RANBP9: variants seen among roughly 807,000 people sequenced by gnomAD.
The protein encoded by RANBP9 is RAN binding protein 9, also known as ran-binding protein 9.
In RANBP9, 15 loss-of-function variants were observed where a neutral mutation model predicts 84.3. That is an observed-to-expected ratio of 0.18 (90% CI 0.12 to 0.27). RANBP9 has a LOEUF of 0.27. Ranked by LOEUF, RANBP9 falls within the 10% of genes least tolerant of loss-of-function variation. RANBP9 has a pLI of 1.00. For synonymous variants in RANBP9, 392 were observed against 349.6 expected (o/e 1.12, Z -1.35); for missense variants, 809 against 912.8 (o/e 0.89, Z 1.46).
chr6:13,674,233 G>A (rs1765838313), intron 2 of RANBP9, among the ~76,000 whole-genome samples: 1 of 152,042 alleles, frequency 6.6e-6, no homozygotes, highest in South Asian at 2.1e-4. Flanking sequence ...GAACTGACAA[G>A]AGTGAACAAA....
At chr6:13,643,463 C>G (rs960135621) in intron 6 of RANBP9, among the ~76,000 whole-genome samples, 7 of 152,078 alleles carry the variant, frequency 4.6e-5, no homozygotes, top group African/African-American at 1.4e-4. Context: ...GAGACTGAGG[C>G]AAAGAGCGGA....
chr6:13,705,678 G>C (rs978618181), intron 1 of RANBP9, among the ~76,000 whole-genome samples: 1 of 150,648 alleles, frequency 6.6e-6, no homozygotes, highest in Non-Finnish European at 1.5e-5. Flanking sequence ...TGACTAACTC[G>C]GTGAAACCCC....
At position 13,677,986 on chromosome 6, in the gene RANBP9, G is replaced by T. The variant is rs376818401; in HGVS notation, c.683+18799C>A. 6.9e-4 allele frequency among the ~76,000 whole-genome samples: 105 copies of T among 152,200 alleles called. 1 individual carries two copies. In the South Asian group the frequency reaches 0.02, roughly 28 times the overall value. On this transcript the variant is annotated intron_variant, in intron 2 of 13. Coordinates refer to ENST00000011619, the MANE Select transcript of RANBP9 (RefSeq NM_005493.3). ...TATAAAAAATTAGCCAGGCATAGTG[G>T]TATGTGCCTGCAGTGCCAGCTACTC...
At chr6:13,633,781 T>G (rs1356710522) in intron 11 of RANBP9, among the ~76,000 whole-genome samples, 1 of 152,194 alleles carries the variant, frequency 6.6e-6, no homozygotes, top group African/African-American at 2.4e-5. Flanking sequence ...GCCATGGAAT[T>G]CCAACAAATA....
intron 5 of RANBP9, among the ~76,000 whole-genome samples, chr6:13,649,061 C>G (rs1765236158): frequency 6.6e-6 from 1 of 152,110 alleles, no homozygotes; most frequent in South Asian, 2.1e-4. Flanking sequence ...ACTGGTTTTT[C>G]TGCAAATATA....
intron 1 of RANBP9, among the ~76,000 whole-genome samples, chr6:13,702,608 C>A (rs1009619332): frequency 8.6e-5 from 13 of 152,038 alleles, no homozygotes; most frequent in African/African-American, 2.7e-4. Flanking sequence ...ACAATACTTT[C>A]CAAAGGAATT....
At chr6:13,630,777 T>TA (rs1413648673) in intron 12 of RANBP9, among the ~76,000 whole-genome samples, 1 of 152,194 alleles carries the variant, frequency 6.6e-6, no homozygotes, top group Non-Finnish European at 1.5e-5. Flanking sequence ...ACAGCTCACC[T>TA]ATTAAACCAA....
intron 2 of RANBP9, among the ~76,000 whole-genome samples, chr6:13,663,709 T>A (rs143409334): frequency 2.0e-5 from 3 of 152,228 alleles, no homozygotes; most frequent in African/African-American, 7.2e-5. Flanking sequence ...CGATAACATA[T>A]GATTACTAGA....
intron 1 of RANBP9, among the ~76,000 whole-genome samples, chr6:13,698,818 G>T (rs894629463): frequency 2.0e-5 from 3 of 152,060 alleles, no homozygotes; most frequent in Non-Finnish European, 1.5e-5. Flanking sequence ...TGCTAAAAGC[G>T]AATTCCAAAC....
chr6:13,631,757 C>T (rs939304107), intron 12 of RANBP9, among the ~76,000 whole-genome samples: 1 of 152,172 alleles, frequency 6.6e-6, no homozygotes, highest in African/African-American at 2.4e-5. Flanking sequence ...TAGGAGAAAG[C>T]CCCTCCACCT....
chr6:13,660,334 C>G (rs1160624986), intron 2 of RANBP9, among the ~76,000 whole-genome samples: 1 of 152,094 alleles, frequency 6.6e-6, no homozygotes, highest in East Asian at 1.9e-4. Context: ...CATTGGGAAA[C>G]CTTGTCTCAA....
chr6:13,629,419 CTG>C (rs1367810236), intron 12 of RANBP9, among the ~76,000 whole-genome samples: 2 of 152,132 alleles, frequency 1.3e-5, no homozygotes, highest in African/African-American at 4.8e-5. Flanking sequence ...AGGCACAAAA[CTG>C]AAAATACCTG....
chr6:13,657,772 T>C (rs1765435690), intron 3 of RANBP9, among the ~76,000 whole-genome samples: 1 of 152,210 alleles, frequency 6.6e-6, no homozygotes, highest in African/African-American at 2.4e-5. Flanking sequence ...ATTTTTACCT[T>C]ATCAGTTACT....
intron 1 of RANBP9, among the ~76,000 whole-genome samples, chr6:13,705,721 G>A (rs1161142919): frequency 2.0e-5 from 3 of 151,920 alleles, no homozygotes; most frequent in Non-Finnish European, 4.4e-5. Context: ...AAATTAGCCA[G>A]GCGTGGTGGC....
intron 3 of RANBP9, among the ~76,000 whole-genome samples, chr6:13,657,644 A>G (rs138836698): frequency 6.6e-6 from 1 of 152,224 alleles, no homozygotes; most frequent in East Asian, 1.9e-4. Context: ...TTTATATAAC[A>G]TAAGAGATTA....
chr6:13,622,319 G>T lies in RANBP9; in HGVS notation c.*43C>A, dbSNP rs769096320. The T allele has an allele frequency of 2.1e-6, 3 of 1,440,466 alleles. No homozygotes were observed. The highest frequency in any genetic ancestry group is 1.4e-5 in the African/African-American group (1 of 69,646). The allele number at this position is 1,440,466 out of a possible 1,614,324, so 89.2% of individuals were successfully genotyped here. A position where few individuals can be genotyped will look rare whatever the true frequency, so the allele number is the denominator to read the frequency against. On this transcript the variant is annotated 3_prime_UTR_variant, in exon 14 of 14. Coordinates refer to ENST00000011619, the MANE Select transcript of RANBP9 (RefSeq NM_005493.3). ...AGCAGAGCTGGTCTACTTCCATGTT[G>T]ACTATATGCCACAATATAAGTGTGA... is the stretch of plus-strand genomic sequence containing the variant.
At chr6:13,693,704 G>A (rs543917561) in intron 2 of RANBP9, among the ~76,000 whole-genome samples, 307 of 152,320 alleles carry the variant, frequency 2.0e-3, no homozygotes, top group Non-Finnish European at 3.7e-3. Flanking sequence ...GGAACTTACT[G>A]TCTGGCTCAG....
chr6:13,684,448 G>A (rs1488306467), intron 2 of RANBP9, among the ~76,000 whole-genome samples: 9 of 152,072 alleles, frequency 5.9e-5, no homozygotes, highest in Non-Finnish European at 1.0e-4. Flanking sequence ...TCCCTCACCC[G>A]TAACCTCAAT....
chr6:13,668,106 G>T (rs370881653), intron 2 of RANBP9, among the ~76,000 whole-genome samples: 1 of 151,708 alleles, frequency 6.6e-6, no homozygotes, highest in Non-Finnish European at 1.5e-5. Flanking sequence ...CTAAACATCA[G>T]GAATTACAAG....
Sources: gnomAD v4.1 joint callset for allele counts (sites outside exome capture counted in the v4.1 genomes callset) on GRCh38, gnomAD v4.1.1 for gene constraint, MANE v1.5 for transcripts, NCBI Gene and HGNC (gene_info 2026-07-23, HGNC 2026-07-21) for gene names.